OSBPL1A: variants seen among roughly 807,000 people sequenced by gnomAD.
OSBPL1A encodes the protein oxysterol binding protein like 1A, also known as oxysterol-binding protein-related protein 1.
In OSBPL1A, 80 loss-of-function variants were observed where a neutral mutation model predicts 137.1. That is an observed-to-expected ratio of 0.58 (90% CI 0.49 to 0.70). The LOEUF (loss-of-function observed/expected upper bound fraction) is 0.70. Among genes scored for constraint, OSBPL1A ranks in the 30% least tolerant of loss-of-function variants. The pLI, the probability that OSBPL1A is intolerant of heterozygous loss-of-function variation, is 0.00. For missense variants in OSBPL1A, 970 were observed against 1,129.4 expected, an observed-to-expected ratio of 0.86 and a Z score of 2.02; for synonymous variants, 365 against 389.7, an observed-to-expected ratio of 0.94 and a Z score of 0.75.
At chr18:24,365,025 C>CAAAAAAAAAAAAAAAAA (rs56400717) in intron 4 of OSBPL1A, among the ~76,000 whole-genome samples, 1 of 89,678 alleles carries the variant, frequency 1.1e-5, no homozygotes, top group African/African-American at 4.0e-5. Flanking sequence ...AAAACAACAA[C>CAAAAAAAAAAAAAAAAA]AAAAAAAAAA....
intron 25 of OSBPL1A, 115 bp from the exon 26 acceptor site, chr18:24,166,817 A>G (rs1370015930): frequency 7.5e-6 from 8 of 1,071,666 alleles, no homozygotes; most frequent in Non-Finnish European, 1.1e-5. Context: ...TCATGGTAAC[A>G]ATGGTCAGTC....
At chr18:24,296,049 T>C (rs1440238111) in intron 14 of OSBPL1A, among the ~76,000 whole-genome samples, 1 of 152,192 alleles carries the variant, frequency 6.6e-6, no homozygotes, top group African/African-American at 2.4e-5. Flanking sequence ...AAAATTGTGA[T>C]GGTATTTTGA....
intron 7 of OSBPL1A, among the ~76,000 whole-genome samples, chr18:24,330,882 C>T (rs531394460): frequency 3.4e-4 from 51 of 152,238 alleles, no homozygotes; most frequent in Non-Finnish European, 6.8e-4. Flanking sequence ...GCAACCTCCA[C>T]CTCCTGGGTT....
Position 24,171,458 on chromosome 18 carries a change from G to A in OSBPL1A, c.2242C>T (p.Leu748Phe). 6.2e-7 allele frequency: 1 copy of A among 1,613,620 alleles called. No individual in the cohort carries two copies. The highest frequency in any genetic ancestry group is 8.5e-7 in the Non-Finnish European group (1 of 1,179,734). The change falls in exon 23 of 28, where the codon CTT becomes TTT. Residue 748 changes from leucine (L) to phenylalanine (F), a missense_variant. By Grantham distance (22) the Leu-to-Phe change is conservative. This residue lies in a region of OSBPL1A where 323 missense variants were observed against 456.8 expected (regional missense o/e 0.71). Coordinates refer to ENST00000319481, the MANE Select transcript of OSBPL1A (RefSeq NM_080597.4). ...KCVLNFKPCG[L>F]FGKELHKVEG... ...ACTTTGTGTAATTCCTTACCAAAAA[G>A]GCCACATGGCTTAAAATTCAACACA...
intron 18 of OSBPL1A, among the ~76,000 whole-genome samples, chr18:24,193,285 G>C (rs12458495): frequency 1.3e-5 from 2 of 151,974 alleles, no homozygotes; most frequent in African/African-American, 4.8e-5. Flanking sequence ...TCATGAGTTC[G>C]AGACCAGTCT....
intron 2 of OSBPL1A, among the ~76,000 whole-genome samples, chr18:24,370,860 G>A (rs1490671276): frequency 6.6e-6 from 1 of 152,034 alleles, no homozygotes; most frequent in Non-Finnish European, 1.5e-5. Context: ...GTAGGGATGG[G>A]GTTTTGCCAT....
rs117294798 is a variant in OSBPL1A, at chr18:24,350,232, C to A, written c.283-8574G>T. 9.2e-5 allele frequency among the ~76,000 whole-genome samples: 14 copies of A among 152,282 alleles called. No individual in the cohort carries two copies. In the East Asian group the frequency reaches 2.5e-3, roughly 27 times the overall value. ...CTAGAAGGGGCAGTCTGTATATATT[C>A]TTTGTCCCTTTTTTGCTTCCCCTAG... On this transcript the variant is annotated intron_variant, in intron 4 of 27. Transcript: ENST00000319481.
At chr18:24,382,782 G>A (rs1906690896) in intron 1 of OSBPL1A, among the ~76,000 whole-genome samples, 1 of 151,406 alleles carries the variant, frequency 6.6e-6, no homozygotes, top group Non-Finnish European at 1.5e-5. Flanking sequence ...AGGCTGAGGT[G>A]GAAGGATCAC....
rs868428326 is a variant in OSBPL1A at position 24,318,701 on chromosome 18, A to T, written c.687+47T>A. ...ATCTACATATTTCAAACATTCAAAA[A>T]TTTTTTTCTAAAAATTATTAGATAA... On this transcript the variant is annotated intron_variant, in intron 8 of 27. Transcript: ENST00000319481. 1.6e-5 allele frequency: 25 copies of T among 1,593,742 alleles called. 1 individual carries two copies. The Middle Eastern group carries it at 1.1e-3, about 71-fold the overall frequency.
At position 24,325,039 on chromosome 18, in the gene OSBPL1A, T is replaced by C. The variant is rs556175493; in HGVS notation, c.626-6230A>G. Reference sequence around the variant, plus strand: ...AGGTGGACGTTGCAATGAGCCGAGATTGCGCCACTGCACTCCAGCCTGGGT... The same window carrying C: ...AGGTGGACGTTGCAATGAGCCGAGACTGCGCCACTGCACTCCAGCCTGGGT... On this transcript the variant is annotated intron_variant, in intron 7 of 27. Transcript: ENST00000319481. 7.2e-5 allele frequency among the ~76,000 whole-genome samples: 11 copies of C among 151,978 alleles called. No individual in the cohort carries two copies. In the East Asian group the frequency reaches 9.7e-4, roughly 13 times the overall value.
intron 2 of OSBPL1A, among the ~76,000 whole-genome samples, chr18:24,370,845 C>A (rs758709377): frequency 1.8e-4 from 27 of 152,032 alleles, no homozygotes; most frequent in Non-Finnish European, 2.4e-4. Flanking sequence ...TATTTGGATT[C>A]TTTTGTAGGG....
At chr18:24,309,543 A>G (rs1386393242) in intron 13 of OSBPL1A, among the ~76,000 whole-genome samples, 1 of 152,210 alleles carries the variant, frequency 6.6e-6, no homozygotes, top group African/African-American at 2.4e-5. Context: ...TATCAGTCCT[A>G]GAATGACTAA....
intron 4 of OSBPL1A, among the ~76,000 whole-genome samples, chr18:24,354,748 CA>C (rs59694707): frequency 0.27 from 21,131 of 77,210 alleles, 1,004 homozygotes; most frequent in East Asian, 0.38. Flanking sequence ...CTCAATATAG[CA>C]AAAAAAAAAA....
intron 4 of OSBPL1A, among the ~76,000 whole-genome samples, chr18:24,355,469 C>T (rs1201812799): frequency 6.6e-6 from 1 of 151,960 alleles, no homozygotes; most frequent in Non-Finnish European, 1.5e-5. Context: ...CCATTGCACT[C>T]CAGCGCGGGC....
rs113157989 is a variant in OSBPL1A, at chr18:24,239,091, C to T, written c.1444+129G>A. On this transcript the variant is annotated intron_variant, in intron 16 of 27. Transcript: ENST00000319481. ...AATCTGGGGAGCTATACCAATACATCGCTATCTGTTTATTCCAGGAAACTC... is the reference window on the plus strand; with the variant it reads ...AATCTGGGGAGCTATACCAATACATTGCTATCTGTTTATTCCAGGAAACTC... 7.6e-4 allele frequency: 819 copies of T among 1,082,972 alleles called. 5 individuals are homozygous for T. The African/African-American group carries it at 0.012, about 16-fold the overall frequency. 67.1% of individuals were successfully genotyped at this position (1,082,972 alleles called of 1,614,324 possible). A position where few individuals can be genotyped will look rare whatever the true frequency, so the allele number is the denominator to read the frequency against.
At chr18:24,255,850 A>C (rs1169672020) in intron 15 of OSBPL1A, among the ~76,000 whole-genome samples, 1 of 149,510 alleles carries the variant, frequency 6.7e-6, no homozygotes, top group Non-Finnish European at 1.5e-5. Context: ...TCTGCCTCCC[A>C]AGTAGTTGGG....
chr18:24,392,028 G>A (rs536554711), intron 1 of OSBPL1A, among the ~76,000 whole-genome samples: 46 of 151,848 alleles, frequency 3.0e-4, no homozygotes, highest in African/African-American at 1.1e-3. Flanking sequence ...GCTAATTTTC[G>A]TATTTTTTGT....
At chr18:24,255,050 C>T (rs2089229760) in intron 15 of OSBPL1A, among the ~76,000 whole-genome samples, 1 of 152,092 alleles carries the variant, frequency 6.6e-6, no homozygotes, top group African/African-American at 2.4e-5. Flanking sequence ...TCCAAAGGAT[C>T]ATTAGTGGCT....
intron 16 of OSBPL1A, among the ~76,000 whole-genome samples, chr18:24,225,660 AATTTAAAAAT>A (rs1344475674): frequency 5.0e-4 from 76 of 152,346 alleles, no homozygotes; most frequent in African/African-American, 1.8e-3. Flanking sequence ...AAAGTAAAGT[AATTTAAAAAT>A]ACTTTAAAAA....
Sources: allele counts gnomAD v4.1 joint callset (sites outside exome capture counted in the v4.1 genomes callset), GRCh38; gene constraint gnomAD v4.1.1; regional missense constraint gnomAD v4.1.1; transcripts MANE v1.5; gene names NCBI Gene and HGNC (gene_info 2026-07-23, HGNC 2026-07-21).